NAA35: variants seen among roughly 807,000 people sequenced by gnomAD.
NAA35 encodes MAK10 homolog, amino-acid N-acetyltransferase subunit.
NAA35 carries 18 observed loss-of-function variants against 101.7 expected under a neutral mutation model. The ratio of observed to expected loss-of-function variants is 0.18; its 90% CI spans 0.12 to 0.26. The LOEUF is 0.26. Among genes scored for constraint, NAA35 ranks in the 10% least tolerant of loss-of-function variants. The pLI is 1.00. For missense variants in NAA35, 601 were observed against 886.8 expected, an observed-to-expected ratio of 0.68 and a Z score of 4.09; for synonymous variants, 267 against 273.1, an observed-to-expected ratio of 0.98 and a Z score of 0.22.
rs563907744 is a variant in NAA35 at position 85,956,223 on chromosome 9, G to GT, written c.125-136dup. ...TAGAATGCATTATATTAGTAATTGA[G>GT]TAGAAATAAGTATTTCTTAGAAAAT... On this transcript the variant is annotated intron_variant, in intron 2 of 22. Coordinates refer to ENST00000361671, the MANE Select transcript of NAA35 (RefSeq NM_024635.4). The GT allele has an allele frequency of 2.4e-4, 123 of 516,000 alleles. No individual in the cohort carries two copies. The Middle Eastern group carries it at 2.6e-3, about 11-fold the overall frequency. The allele number at this position is 516,000 out of a possible 1,614,324, so 32.0% of individuals were successfully genotyped here.
intron 6 of NAA35, among the ~76,000 whole-genome samples, chr9:85,964,706 C>T (rs1048170539): frequency 1.9e-4 from 29 of 152,078 alleles, no homozygotes; most frequent in African/African-American, 3.4e-4. Context: ...TCTTTCCTTA[C>T]GATTAGATTA....
intron 11 of NAA35, among the ~76,000 whole-genome samples, chr9:85,981,165 G>C (rs538381766): frequency 2.6e-5 from 4 of 152,240 alleles, no homozygotes; most frequent in African/African-American, 7.2e-5. Flanking sequence ...CCAAAAGAGG[G>C]AGTGTGTTTA....
At chr9:86,017,899 C>T (rs892844472) in intron 19 of NAA35, among the ~76,000 whole-genome samples, 16 of 152,068 alleles carry the variant, frequency 1.1e-4, no homozygotes, top group Admixed American at 7.2e-4. Flanking sequence ...GGCAAGGCTT[C>T]GTGGAAGAGA....
At chr9:85,953,244 G>A (rs188884545) in intron 2 of NAA35, among the ~76,000 whole-genome samples, 8 of 147,326 alleles carry the variant, frequency 5.4e-5, no homozygotes, top group Admixed American at 5.4e-4. Flanking sequence ...TTTTTTACCG[G>A]CTTAACCATT....
At chr9:85,979,580 G>A (rs1179748636) in intron 11 of NAA35, among the ~76,000 whole-genome samples, 1 of 152,174 alleles carries the variant, frequency 6.6e-6, no homozygotes, top group Admixed American at 6.5e-5. Flanking sequence ...GCTTCTAAGA[G>A]AAGTTACTAT....
intron 2 of NAA35, among the ~76,000 whole-genome samples, chr9:85,953,804 C>CT (rs1268469067): frequency 6.6e-6 from 1 of 152,092 alleles, no homozygotes; most frequent in Non-Finnish European, 1.5e-5. Context: ...TTGTGCCTGA[C>CT]TTTTTTCACT....
chr9:85,997,422 A>G (rs1009859818), intron 12 of NAA35, among the ~76,000 whole-genome samples: 1 of 148,396 alleles, frequency 6.7e-6, no homozygotes, highest in African/African-American at 2.5e-5. Context: ...GCTCCCTGCA[A>G]CCTCCGCCTG....
At chr9:85,963,341 G>A (rs1445694358) in intron 6 of NAA35, among the ~76,000 whole-genome samples, 1 of 147,244 alleles carries the variant, frequency 6.8e-6, no homozygotes, top group African/African-American at 2.5e-5. Context: ...GGCAGTTTCG[G>A]CTCACTGCAA....
chr9:85,989,084 A>G (rs1484419412), intron 11 of NAA35, among the ~76,000 whole-genome samples: 1 of 152,246 alleles, frequency 6.6e-6, no homozygotes, highest in African/African-American at 2.4e-5. Flanking sequence ...CTAGTAAATT[A>G]AGATCTAAAG....
At chr9:85,992,090 C>T (rs772608418) in intron 11 of NAA35, among the ~76,000 whole-genome samples, 2 of 151,620 alleles carry the variant, frequency 1.3e-5, no homozygotes, top group Non-Finnish European at 2.9e-5. Flanking sequence ...AGGGGAATGG[C>T]GTGAACCCAG....
Position 86,010,665 on chromosome 9 carries a change from C to T in NAA35, c.1290+734C>T, listed in dbSNP as rs568003050. On this transcript the variant is annotated intron_variant, in intron 15 of 22. Coordinates refer to ENST00000361671, the MANE Select transcript of NAA35 (RefSeq NM_024635.4). ...TCTTGGCTCACTGCAAGCTCCGCCT[C>T]CCGGGTTCACGCCATTCTCCTGCCT... Among the ~76,000 whole-genome samples, 885 of 150,634 alleles carry T rather than the reference C, an allele frequency of 5.9e-3. 6 individuals are homozygous for T. Among genetic ancestry groups the T allele is most frequent in the Admixed American group, 8.8e-3 (133 of 15,136 alleles).
intron 14 of NAA35, among the ~76,000 whole-genome samples, chr9:86,009,233 G>T (rs1277457442): frequency 6.6e-6 from 1 of 152,130 alleles, no homozygotes; most frequent in Non-Finnish European, 1.5e-5. Context: ...TTGCTTTAGG[G>T]TTAAAGATGT....
chr9:85,955,203 T>C (rs111959453), intron 2 of NAA35, among the ~76,000 whole-genome samples: 21 of 151,606 alleles, frequency 1.4e-4, no homozygotes, highest in South Asian at 4.2e-4. Context: ...ATGATTCTTA[T>C]CTGTTTCAGT....
At chr9:85,999,423 T>C (rs1315843158) in intron 12 of NAA35, among the ~76,000 whole-genome samples, 1 of 152,238 alleles carries the variant, frequency 6.6e-6, no homozygotes, top group Admixed American at 6.5e-5. Context: ...TTAATGTATA[T>C]AGTTGTTTTA....
intron 12 of NAA35, among the ~76,000 whole-genome samples, chr9:85,999,238 T>TG (rs1398628042): frequency 2.0e-5 from 3 of 152,188 alleles, no homozygotes; most frequent in African/African-American, 7.2e-5. Context: ...CCAAATTAGA[T>TG]GACTATAGTA....
intron 8 of NAA35, among the ~76,000 whole-genome samples, chr9:85,976,278 G>A (rs1024057691): frequency 6.6e-6 from 1 of 152,172 alleles, no homozygotes; most frequent in African/African-American, 2.4e-5. Context: ...AAATGGATCG[G>A]TATTGACCAT....
intron 5 of NAA35, among the ~76,000 whole-genome samples, chr9:85,960,721 C>T (rs1381297173): frequency 1.3e-5 from 2 of 152,066 alleles, no homozygotes; most frequent in African/African-American, 2.4e-5. Flanking sequence ...CAAAGGATTG[C>T]TGGGAACAGA....
chr9:85,942,056 G>T (rs1297007605), intron 1 of NAA35, 99 bp from the exon 2 acceptor site: 40 of 1,496,008 alleles, frequency 2.7e-5, no homozygotes, highest in Non-Finnish European at 3.5e-5. Flanking sequence ...AAAGAGTTTA[G>T]TTAAGACTTC....
chr9:86,013,927 G>C (rs1353635753), intron 17 of NAA35, 30 bp downstream of exon 17: 1 of 1,523,406 alleles, frequency 6.6e-7, no homozygotes, highest in Non-Finnish European at 9.0e-7. Flanking sequence ...TAAAATTGGT[G>C]GTGGGTGCAA....
Sources: allele counts gnomAD v4.1 joint callset (sites outside exome capture counted in the v4.1 genomes callset), GRCh38; gene constraint gnomAD v4.1.1; transcripts MANE v1.5; gene names NCBI Gene and HGNC (gene_info 2026-07-23, HGNC 2026-07-21).